The following NEBL variants were observed in gnomAD, a reference collection of about 807,000 sequenced individuals.
NEBL encodes nebulette.
In NEBL, 122 loss-of-function variants were observed where a neutral mutation model predicts 140.2. That is an observed-to-expected ratio of 0.87 (90% CI 0.75 to 1.01). NEBL has a LOEUF of 1.01. Among genes scored for constraint, NEBL ranks in the 50% least tolerant of loss-of-function variants. The pLI is 0.00. For synonymous variants in NEBL, 436 were observed against 398.9 expected, an observed-to-expected ratio of 1.09 and a Z score of -1.11; for missense variants, 1,365 against 1,231.3, an observed-to-expected ratio of 1.11 and a Z score of -1.62.
At chr10:21,192,374 A>G (rs1841587543) in intron 3 of NEBL, among the ~76,000 whole-genome samples, 3 of 151,452 alleles carry the variant, frequency 2.0e-5, no homozygotes. Flanking sequence ...TTATAATTTT[A>G]GTAGAGATGG....
intron 3 of NEBL, among the ~76,000 whole-genome samples, chr10:20,994,632 A>G (rs1336889818): frequency 1.3e-5 from 2 of 152,214 alleles, no homozygotes; most frequent in African/African-American, 2.4e-5. Context: ...GTCCCCCAAA[A>G]AACTTAACCA....
intron 1 of NEBL, among the ~76,000 whole-genome samples, chr10:21,257,436 C>T (rs1842672526): frequency 6.6e-6 from 1 of 152,182 alleles, no homozygotes; most frequent in African/African-American, 2.4e-5. Flanking sequence ...ACAGCGTTCT[C>T]CTGAGGATTA....
intron 10 of NEBL, among the ~76,000 whole-genome samples, chr10:20,850,866 T>C (rs752076948): frequency 1.1e-4 from 17 of 152,174 alleles, no homozygotes; most frequent in Non-Finnish European, 1.8e-4. Flanking sequence ...GAGAGATCCT[T>C]GAGGTTGCAT....
chr10:21,193,346 G>A (rs1359604912), intron 3 of NEBL, among the ~76,000 whole-genome samples: 1 of 152,200 alleles, frequency 6.6e-6, no homozygotes, highest in African/African-American at 2.4e-5. Context: ...AGAAATTTGA[G>A]AGCCAGAGCC....
At chr10:20,991,129 T>C (rs775074149) in intron 3 of NEBL, among the ~76,000 whole-genome samples, 1 of 152,188 alleles carries the variant, frequency 6.6e-6, no homozygotes, top group East Asian at 1.9e-4. Flanking sequence ...CATTGGTTCA[T>C]TTAACAATTT....
At chr10:21,222,416 T>C (rs997453928) in intron 3 of NEBL, among the ~76,000 whole-genome samples, 1 of 152,210 alleles carries the variant, frequency 6.6e-6, no homozygotes, top group Non-Finnish European at 1.5e-5. Context: ...TCTTCAAATC[T>C]CATTTTCTCC....
At chr10:21,145,073 A>T (rs150112240) in intron 2 of NEBL, among the ~76,000 whole-genome samples, 52 of 152,292 alleles carry the variant, frequency 3.4e-4, no homozygotes, top group African/African-American at 1.2e-3. Context: ...AGAACAAGAA[A>T]CCAAAAATAA....
intron 3 of NEBL, among the ~76,000 whole-genome samples, chr10:21,198,429 C>A (rs1193266829): frequency 6.6e-6 from 1 of 152,194 alleles, no homozygotes; most frequent in African/African-American, 2.4e-5. Flanking sequence ...TGCCTCTGTG[C>A]ACACAGCATC....
intron 3 of NEBL, among the ~76,000 whole-genome samples, chr10:21,194,744 C>A (rs1468772071): frequency 6.6e-6 from 1 of 152,146 alleles, no homozygotes; most frequent in Non-Finnish European, 1.5e-5. Context: ...CCAACAAATT[C>A]CTTTCAGTTT....
chr10:21,273,058 A>T (rs1842877802), intron 1 of NEBL, among the ~76,000 whole-genome samples: 1 of 152,150 alleles, frequency 6.6e-6, no homozygotes, highest in African/African-American at 2.4e-5. Flanking sequence ...GCAGCTGCTC[A>T]CCAAAGACAA....
At chr10:20,878,240 A>T (rs80137388) in intron 5 of NEBL, among the ~76,000 whole-genome samples, 2 of 152,202 alleles carry the variant, frequency 1.3e-5, no homozygotes, top group Admixed American at 6.5e-5. Context: ...AGAGAGAGAC[A>T]TCTTGGTTCA....
At chr10:21,142,942 C>T (rs1363870019) in intron 2 of NEBL, among the ~76,000 whole-genome samples, 2 of 152,116 alleles carry the variant, frequency 1.3e-5, no homozygotes, top group African/African-American at 4.8e-5. Context: ...GATGGCTGGA[C>T]TTTATAATCT....
intron 18 of NEBL, 30 bp from the exon 19 acceptor site, chr10:20,823,330 C>A (rs550204197): frequency 1.4e-6 from 2 of 1,476,864 alleles, no homozygotes; most frequent in Admixed American, 1.7e-5. Context: ...ATAACGTTAA[C>A]TTTATTCTAT....
At chr10:21,000,177 C>CAGAGGGGGAT (rs1425682361) in intron 3 of NEBL, among the ~76,000 whole-genome samples, 27 of 105,952 alleles carry the variant, frequency 2.5e-4, no homozygotes, top group Non-Finnish European at 3.9e-4. Context: ...AGAGAGGGGG[C>CAGAGGGGGAT]AGAGGGGGAT....
intron 2 of NEBL, among the ~76,000 whole-genome samples, chr10:21,034,927 G>A (rs543118360): frequency 9.9e-5 from 15 of 151,486 alleles, no homozygotes; most frequent in Admixed American, 5.9e-4. Flanking sequence ...AGCCCAGCAT[G>A]CACTAGCTAT....
intron 14 of NEBL, among the ~76,000 whole-genome samples, chr10:20,832,740 C>G (rs539342468): frequency 6.6e-6 from 1 of 152,300 alleles, no homozygotes; most frequent in Admixed American, 6.5e-5. Flanking sequence ...AGGAGATCCT[C>G]AAATTTAGGT....
intron 4 of NEBL, among the ~76,000 whole-genome samples, chr10:20,941,410 A>T (rs556715041): frequency 6.6e-6 from 1 of 152,220 alleles, no homozygotes; most frequent in Non-Finnish European, 1.5e-5. Context: ...CTCTCAATCA[A>T]TTAGGTACTG....
intron 1 of NEBL, among the ~76,000 whole-genome samples, chr10:21,255,741 T>G (rs1242338015): frequency 6.6e-6 from 1 of 152,112 alleles, no homozygotes; most frequent in Non-Finnish European, 1.5e-5. Context: ...CTCACACCGG[T>G]AATCCCAACA....
In NEBL at chr10:21,033,708, C is replaced by T. The variant is rs147847870; in HGVS notation, c.165-13507G>A. 3.2e-4 allele frequency among the ~76,000 whole-genome samples: 48 copies of T among 148,910 alleles called. 1 individual carries two copies. In the East Asian group the frequency reaches 8.9e-3, roughly 28 times the overall value. On this transcript the variant is annotated intron_variant, in intron 2 of 6. Transcript: ENST00000417816. ...TGAGTCAAGATTGCACCACTGCACT[C>T]CAGCCTGGCAACAAGAGCGAGACTT...
Sources: allele counts gnomAD v4.1 joint callset (sites outside exome capture counted in the v4.1 genomes callset), GRCh38; gene constraint gnomAD v4.1.1; transcripts MANE v1.5; gene names NCBI Gene and HGNC (gene_info 2026-07-23, HGNC 2026-07-21).